Variants in NPC1L1 observed in about 807,000 individuals in gnomAD.
The protein encoded by NPC1L1 is NPC1 like intracellular cholesterol transporter 1.
In NPC1L1, 98 loss-of-function variants were observed where a neutral mutation model predicts 117.0. The ratio of observed to expected loss-of-function variants is 0.84; its 90% CI spans 0.71 to 0.99. The LOEUF is 0.99. Among genes scored for constraint, NPC1L1 ranks in the 50% least tolerant of loss-of-function variants. The probability of loss-of-function intolerance (pLI) is 0.00; values close to 1 mark genes in which losing one functional copy is unlikely to be tolerated. For missense variants in NPC1L1, 1,540 were observed against 1,710.0 expected, an observed-to-expected ratio of 0.90 and a Z score of 1.75; for synonymous variants, 729 against 727.6, an observed-to-expected ratio of 1.00 and a Z score of -0.03.
At chr7:44,518,032 T>C (rs1231857700) in intron 14 of NPC1L1, among the ~76,000 whole-genome samples, 1 of 151,466 alleles carries the variant, frequency 6.6e-6, no homozygotes, top group Admixed American at 6.6e-5. Flanking sequence ...AGGAGAATTC[T>C]TGAACTCAGG....
chr7:44,529,612 A>G (rs1801634934), intron 10 of NPC1L1, among the ~76,000 whole-genome samples: 1 of 151,888 alleles, frequency 6.6e-6, no homozygotes, highest in South Asian at 2.1e-4. Context: ...TCCTGACCTC[A>G]GGTGATCTGC....
intron 14 of NPC1L1, among the ~76,000 whole-genome samples, chr7:44,517,943 C>T (rs1801239884): frequency 6.6e-6 from 1 of 151,824 alleles, no homozygotes; most frequent in African/African-American, 2.4e-5. Flanking sequence ...TGGTGAAACC[C>T]TGTCTCTACT....
Position 44,516,866 on chromosome 7 carries a change from C to T in NPC1L1, c.3356G>A (p.Cys1119Tyr). 2 of 1,614,156 alleles carry T rather than the reference C, an allele frequency of 1.2e-6. No individual in the cohort carries two copies. The highest frequency in any genetic ancestry group is 1.7e-6 in the Non-Finnish European group (2 of 1,180,036). Residue 1119 changes from cysteine to tyrosine, a missense_variant, in exon 16 of 19, where the codon TGC becomes TAC. Transcript: ENST00000381160. ...LPEGLFMLSL[C>Y]LVPTFAVSCL... The stretch of plus-strand genomic sequence containing the variant: ...GGAGACAGCGAAGGTGGGCACAAGG[C>T]AGAGGCTGAGCATGAAGAGCCCCTC...
rs761127381 is a variant in NPC1L1 at position 44,540,262 on chromosome 7, C to G, written c.135G>C (p.Leu45=). ...TGGAGAGTGTCATGAGGCTTCCAGA[C>G]AGCTCTGGGTTCTTCCCACATTCGT... is the stretch of plus-strand genomic sequence containing the variant. ...FYDECGKNPE[L]SGSLMTLSNV... is the part of the protein sequence containing the mutation. The change falls in exon 2 of 19, where the codon CTG becomes CTC. Residue 45 remains leucine (L), a synonymous_variant. Transcript: ENST00000381160. 3 of 1,614,088 alleles carry G rather than the reference C, an allele frequency of 1.9e-6. No homozygotes were observed. Among genetic ancestry groups the G allele is most frequent in the East Asian group, 4.5e-5 (2 of 44,872 alleles).
intron 8 of NPC1L1, 97 bp from the exon 9 acceptor site, chr7:44,532,314 C>G: frequency 1.4e-6 from 2 of 1,474,430 alleles, no homozygotes; most frequent in Non-Finnish European, 1.9e-6. Context: ...CTGTGGGTGG[C>G]CCGTGCCAGT....
intron 14 of NPC1L1, 138 bp downstream of exon 14, chr7:44,520,627 C>T: frequency 1.3e-6 from 1 of 791,124 alleles, no homozygotes; most frequent in South Asian, 1.4e-5. Flanking sequence ...AAACAAGACC[C>T]CTGCTGACAG....
chr7:44,541,069 G>T, intron 1 of NPC1L1, 137 bp downstream of exon 1: 4 of 895,360 alleles, frequency 4.5e-6, no homozygotes, highest in East Asian at 2.7e-5. Context: ...CATCCCTCAT[G>T]TGTCCAGAGA....
rs781483583 is a variant in NPC1L1, at chr7:44,516,986, G to A, written c.3288-52C>T. ...GGCTCAGGCCTCTGGGGCCCTCATG[G>A]TGGGTGGGACACCCCACTTCAGAAG... is the stretch of plus-strand genomic sequence containing the variant. On this transcript the variant is annotated intron_variant, in intron 15 of 18. Transcript: ENST00000381160. 21 of 1,553,620 alleles carry A rather than the reference G, an allele frequency of 1.4e-5. No individual in the cohort carries two copies. The African/African-American group carries it at 2.5e-4, about 18-fold the overall frequency.
rs753476497 is a variant in NPC1L1 at position 44,535,891 on chromosome 7, G to A, written c.1932C>T (p.Phe644=). The A allele has an allele frequency of 8.7e-6, 14 of 1,613,574 alleles. No homozygotes were observed. In the South Asian group the frequency reaches 1.4e-4, roughly 16 times the overall value. The change falls in exon 5 of 19, where the codon TTC becomes TTT. Residue 644 remains phenylalanine, a synonymous_variant. Coordinates refer to ENST00000381160, the MANE Select transcript of NPC1L1 (RefSeq NM_001101648.2). ...PIFATSYIVI[F]LYISLALGSY... ...TGCCCAGGGCCAGAGAGATGTACAG[G>A]AATATGACAATGTAGCTGGTGGCAA...
chr7:44,537,066 A>G, intron 2 of NPC1L1, 124 bp from the exon 3 acceptor site: 1 of 737,484 alleles, frequency 1.4e-6, no homozygotes, highest in Non-Finnish European at 2.2e-6. Context: ...GGGGTGGGGG[A>G]CACTGGCTGC....
Position 44,540,085 on chromosome 7 carries a change from C to G in NPC1L1, c.312G>C (p.Ser104=). The G allele has an allele frequency of 6.2e-7, 1 of 1,614,108 alleles. No individual in the cohort carries two copies. Among genetic ancestry groups the G allele is most frequent in the Non-Finnish European group, 8.5e-7 (1 of 1,180,024 alleles). ...AGCGGGTGAGGAGGGCCTTGGTGATCGACAGACTCGCTTCCAGTGATACCA... is the reference window on the plus strand; with the variant it reads ...AGCGGGTGAGGAGGGCCTTGGTGATGGACAGACTCGCTTCCAGTGATACCA... The part of the protein sequence containing the change: ...KQLVSLEASL[S]ITKALLTRCP... Residue 104 remains serine, a synonymous_variant, in exon 2 of 19, where the codon TCG becomes TCC. Transcript: ENST00000381160.
chr7:44,533,808 G>C lies in NPC1L1; in HGVS notation c.2212C>G (p.Arg738Gly). ...CTGGGAGCCACCCTGCCTAGGGCTC[G>C]CCCAATGTGGACCTCTCGTGGCTCC... ...PGEPREVHIGRALGRVAPSML... is the reference protein window; with the variant it reads ...PGEPREVHIGGALGRVAPSML... Residue 738 changes from arginine (R) to glycine (G), a missense_variant, in exon 7 of 19, where the codon CGA (arginine) becomes GGA (glycine). Around this residue, in one of 3 missense-constraint regions of NPC1L1, gnomAD observed 742 missense variants for 873.6 expected, o/e 0.85. Transcript: ENST00000381160. 6.2e-7 allele frequency: 1 copy of C among 1,613,702 alleles called. No individual in the cohort carries two copies. Among genetic ancestry groups the C allele is most frequent in the Non-Finnish European group, 8.5e-7 (1 of 1,179,938 alleles).
At position 44,513,275 on chromosome 7, in the gene NPC1L1, G is replaced by T; in HGVS notation, c.*172C>A. 1.5e-6 allele frequency: 1 copy of T among 679,518 alleles called. No homozygotes were observed. The highest frequency in any genetic ancestry group is 2.6e-6 in the Non-Finnish European group (1 of 381,524). The allele number at this position is 679,518 out of a possible 1,614,324, so 42.1% of individuals were successfully genotyped here. On this transcript the variant is annotated 3_prime_UTR_variant, in exon 19 of 19. Coordinates refer to ENST00000381160, the MANE Select transcript of NPC1L1 (RefSeq NM_001101648.2). The stretch of plus-strand genomic sequence containing the variant: ...CACTATGGGAGCAGAGGAGCCATCA[G>T]TGGTGCTGCCTGGATACCTCAAGAG...
chr7:44,532,407 A>T (rs751653135), intron 8 of NPC1L1, among the ~76,000 whole-genome samples, 190 bp from the exon 9 acceptor site: 2 of 152,164 alleles, frequency 1.3e-5, no homozygotes, highest in Non-Finnish European at 2.9e-5. Context: ...TTACACCATC[A>T]TGGGAACCAA....
At chr7:44,513,708 T>C in intron 18 of NPC1L1, 59 bp from the exon 19 acceptor site, 1 of 1,576,120 alleles carries the variant, frequency 6.3e-7, no homozygotes, top group South Asian at 1.1e-5. Context: ...GGTGAGAAGC[T>C]ATTCCTGGTT....
intron 14 of NPC1L1, among the ~76,000 whole-genome samples, chr7:44,518,976 TTTC>T (rs1801275145): frequency 6.6e-6 from 1 of 151,908 alleles, no homozygotes; most frequent in Non-Finnish European, 1.5e-5. Context: ...TCCTTCCTTC[TTTC>T]TTTCTTTCTC....
chr7:44,521,999 G>A, intron 11 of NPC1L1, 53 bp downstream of exon 11: 1 of 1,601,088 alleles, frequency 6.2e-7, no homozygotes, highest in Non-Finnish European at 8.5e-7. Context: ...GGAGAGGACT[G>A]GAGGGACTCA....
At chr7:44,520,716 TC>T (rs1801326260) in intron 14 of NPC1L1, 48 bp downstream of exon 14, 1 of 1,566,354 alleles carries the variant, frequency 6.4e-7, no homozygotes, top group South Asian at 1.1e-5. Context: ...TCGGGGGCCC[TC>T]CAGAGCAACC....
chr7:44,540,843 A>G (rs1188637054), intron 1 of NPC1L1, among the ~76,000 whole-genome samples: 1 of 152,004 alleles, frequency 6.6e-6, no homozygotes, highest in Non-Finnish European at 1.5e-5. Context: ...CAGCCTCCAG[A>G]GTGCTCAGTC....
Sources: gnomAD v4.1 joint callset for allele counts (sites outside exome capture counted in the v4.1 genomes callset) on GRCh38, gnomAD v4.1.1 for gene constraint, gnomAD v4.1.1 regional missense constraint, MANE v1.5 for transcripts, NCBI Gene and HGNC (gene_info 2026-07-23, HGNC 2026-07-21) for gene names.